SH3GL3: variants seen among roughly 807,000 people sequenced by gnomAD.
SH3GL3 encodes endophilin-A3.
A neutral mutation model predicts 47.7 loss-of-function variants in SH3GL3; 33 were observed. That is an observed-to-expected ratio of 0.69 (90% CI 0.52 to 0.92). The LOEUF (loss-of-function observed/expected upper bound fraction) is 0.92, where lower values mean the gene tolerates loss of function less well. SH3GL3 is among the 40% of genes least tolerant of loss of function. The probability of loss-of-function intolerance (pLI) is 0.00; values close to 1 mark genes in which losing one functional copy is unlikely to be tolerated. For synonymous variants in SH3GL3, 155 were observed against 148.8 expected (o/e 1.04, Z -0.30); for missense variants, 363 against 417.8 (o/e 0.87, Z 1.14).
chr15:83,505,978 G>A (rs2042483731), intron 1 of SH3GL3, among the ~76,000 whole-genome samples: 1 of 152,084 alleles, frequency 6.6e-6, no homozygotes, highest in Non-Finnish European at 1.5e-5. Flanking sequence ...CTCTTACTCT[G>A]TAGTTTATCT....
intron 8 of SH3GL3, among the ~76,000 whole-genome samples, chr15:83,590,350 G>A (rs1454762122): frequency 6.6e-6 from 1 of 152,090 alleles, no homozygotes; most frequent in African/African-American, 2.4e-5. Flanking sequence ...GCCCTGTCAT[G>A]ATTACATTTT....
chr15:83,598,229 T>TA (rs1206757342), intron 8 of SH3GL3, among the ~76,000 whole-genome samples: 2 of 152,140 alleles, frequency 1.3e-5, no homozygotes, highest in African/African-American at 4.8e-5. Flanking sequence ...CTGGCACTGG[T>TA]ACAAACCCAG....
At chr15:83,609,308 A>G (rs1195697663) in intron 8 of SH3GL3, 3 of 456,046 alleles carry the variant, frequency 6.6e-6, no homozygotes, top group Admixed American at 4.7e-5. Context: ...GGAAGGCCCA[A>G]GGGACTGCTT....
At chr15:83,630,196 C>A in the SH3GL3 span, among the ~76,000 whole-genome samples, 2 of 152,174 alleles carry the variant, frequency 1.3e-5, no homozygotes, top group African/African-American at 2.4e-5. Context: ...ATCAATTAAA[C>A]CTCTTTCCTT....
At chr15:83,465,153 T>G (rs11853589) in intron 1 of SH3GL3, among the ~76,000 whole-genome samples, 1 of 150,982 alleles carries the variant, frequency 6.6e-6, no homozygotes, top group Admixed American at 6.6e-5. Flanking sequence ...CTACTAAACA[T>G]AAAAAAATTA....
chr15:83,513,199 T>A (rs1485891630), intron 1 of SH3GL3, among the ~76,000 whole-genome samples: 1 of 152,242 alleles, frequency 6.6e-6, no homozygotes. Context: ...GAAGGGTCTT[T>A]GAGAAGTTTT....
intron 1 of SH3GL3, among the ~76,000 whole-genome samples, chr15:83,477,532 A>G (rs1462330649): frequency 2.0e-5 from 3 of 152,192 alleles, no homozygotes; most frequent in Admixed American, 6.6e-5. Flanking sequence ...GATCATCATC[A>G]TATTCTTTTA....
intron 8 of SH3GL3, among the ~76,000 whole-genome samples, chr15:83,610,975 C>CAAAA (rs200699726): frequency 0.087 from 9,850 of 113,054 alleles, 451 homozygotes; most frequent in South Asian, 0.15. Flanking sequence ...GGACTTCAGC[C>CAAAA]AAAAAATATA....
chr15:83,494,021 A>G (rs1273226233), intron 1 of SH3GL3, among the ~76,000 whole-genome samples: 1 of 152,212 alleles, frequency 6.6e-6, no homozygotes, highest in Non-Finnish European at 1.5e-5. Flanking sequence ...TCTCAGGGAG[A>G]GAGGGTTGGA....
the SH3GL3 span, among the ~76,000 whole-genome samples, chr15:83,633,366 C>G: frequency 6.6e-6 from 1 of 152,192 alleles, no homozygotes; most frequent in Admixed American, 6.5e-5. Flanking sequence ...CTTTTCCCCA[C>G]TTCCTACTTA....
chr15:83,548,879 T>A (rs1421430810), intron 1 of SH3GL3, among the ~76,000 whole-genome samples: 5 of 152,156 alleles, frequency 3.3e-5, no homozygotes, highest in African/African-American at 1.2e-4. Context: ...TCTTTTCATT[T>A]CTTTGAACTC....
chr15:83,520,523 C>G (rs764526358), intron 1 of SH3GL3, among the ~76,000 whole-genome samples: 1 of 151,980 alleles, frequency 6.6e-6, no homozygotes, highest in Non-Finnish European at 1.5e-5. Flanking sequence ...AGCTGTCTTC[C>G]AAGAGATAGG....
intron 1 of SH3GL3, among the ~76,000 whole-genome samples, chr15:83,521,966 T>C (rs2043224311): frequency 6.6e-6 from 1 of 152,128 alleles, no homozygotes; most frequent in Non-Finnish European, 1.5e-5. Flanking sequence ...CTCGCCACTT[T>C]TCCTATTGCT....
At chr15:83,569,007 G>A (rs1417187630) in intron 4 of SH3GL3, among the ~76,000 whole-genome samples, 2 of 149,130 alleles carry the variant, frequency 1.3e-5, no homozygotes, top group Non-Finnish European at 3.0e-5. Context: ...AACGATTCTC[G>A]TGCCTTAGCC....
intron 8 of SH3GL3, 46 bp downstream of exon 8, chr15:83,588,817 CT>C: frequency 1.0e-6 from 1 of 958,886 alleles, no homozygotes; most frequent in Non-Finnish European, 1.7e-6. Flanking sequence ...TAGTAAAGCA[CT>C]TCTAGAAACA....
intron 4 of SH3GL3, among the ~76,000 whole-genome samples, chr15:83,568,877 G>A (rs1047661953): frequency 6.6e-6 from 1 of 150,990 alleles, no homozygotes; most frequent in African/African-American, 2.4e-5. Flanking sequence ...TCCACCGATA[G>A]GCCCAATTAA....
chr15:83,456,516 C>T (rs1370072193), intron 1 of SH3GL3, among the ~76,000 whole-genome samples: 1 of 78,610 alleles, frequency 1.3e-5, no homozygotes, highest in African/African-American at 4.6e-5. Context: ...TCGTGGTGCG[C>T]CGTTTCTTAA....
chr15:83,450,955 CT>C (rs1357757769), intron 1 of SH3GL3, among the ~76,000 whole-genome samples: 1 of 102,972 alleles, frequency 9.7e-6, no homozygotes, highest in Non-Finnish European at 1.9e-5. Context: ...TCCCTCCCCC[CT>C]CCCCCGACCC....
At chr15:83,465,493 C>T (rs184115602) in intron 1 of SH3GL3, among the ~76,000 whole-genome samples, 18 of 152,030 alleles carry the variant, frequency 1.2e-4, no homozygotes, top group East Asian at 1.9e-4. Context: ...GATGTTTAGC[C>T]GCTTTTTGCT....
Sources: gnomAD v4.1 joint callset for allele counts (sites outside exome capture counted in the v4.1 genomes callset) on GRCh38, gnomAD v4.1.1 for gene constraint, MANE v1.5 for transcripts, NCBI Gene and HGNC (gene_info 2026-07-23, HGNC 2026-07-21) for gene names.